Variants in CACNA2D2 observed in about 807,000 individuals in gnomAD.
The protein encoded by CACNA2D2 is calcium voltage-gated channel auxiliary subunit alpha2delta 2.
In CACNA2D2, 48 loss-of-function variants were observed where a neutral mutation model predicts 166.4. The ratio of observed to expected loss-of-function variants is 0.29; its 90% confidence interval spans 0.23 to 0.37. CACNA2D2 has a LOEUF of 0.37. Among genes scored for constraint, CACNA2D2 ranks in the 10% least tolerant of loss-of-function variants. The probability of loss-of-function intolerance (pLI) is 1.00; values close to 1 mark genes in which losing one functional copy is unlikely to be tolerated. For missense variants in CACNA2D2, 1,122 were observed against 1,433.0 expected, an observed-to-expected ratio of 0.78 and a Z score of 3.50; for synonymous variants, 561 against 573.7, an observed-to-expected ratio of 0.98 and a Z score of 0.32.
intron 22 of CACNA2D2, 58 bp downstream of exon 22, chr3:50,374,679 G>A (rs915979000): frequency 8.4e-6 from 13 of 1,545,106 alleles, no homozygotes; most frequent in South Asian, 1.2e-5. Flanking sequence ...GCCTGGGGCC[G>A]GCCAGGGTGC....
chr3:50,400,354 G>A (rs923395562), intron 3 of CACNA2D2, among the ~76,000 whole-genome samples: 2 of 152,202 alleles, frequency 1.3e-5, no homozygotes, highest in African/African-American at 2.4e-5. Flanking sequence ...AAGCAGGTGC[G>A]TCCACAGTCA....
At chr3:50,433,380 A>G (rs1708160150) in intron 3 of CACNA2D2, among the ~76,000 whole-genome samples, 1 of 151,464 alleles carries the variant, frequency 6.6e-6, no homozygotes, top group African/African-American at 2.4e-5. Flanking sequence ...TTTTAAAGAG[A>G]TGAGGTTTTT....
intron 22 of CACNA2D2, among the ~76,000 whole-genome samples, chr3:50,370,773 G>A (rs1334732443): frequency 2.0e-5 from 3 of 151,962 alleles, no homozygotes; most frequent in Non-Finnish European, 2.9e-5. Context: ...CGCCAGTCTC[G>A]CTCTTATCAC....
intron 3 of CACNA2D2, among the ~76,000 whole-genome samples, chr3:50,395,299 C>T (rs971207937): frequency 1.2e-4 from 19 of 152,170 alleles, no homozygotes; most frequent in African/African-American, 4.8e-5. Flanking sequence ...GGCACAGAGA[C>T]GGCCAGCAGC....
chr3:50,425,284 C>T (rs1707753912), intron 3 of CACNA2D2, among the ~76,000 whole-genome samples: 1 of 152,240 alleles, frequency 6.6e-6, no homozygotes, highest in South Asian at 2.1e-4. Flanking sequence ...TCTGCTCACT[C>T]TCACTGCTAA....
At chr3:50,374,613 G>T in intron 22 of CACNA2D2, 124 bp downstream of exon 22, 1 of 1,039,508 alleles carries the variant, frequency 9.6e-7, no homozygotes, top group Non-Finnish European at 1.4e-6. Context: ...GGCACCTGAG[G>T]GTGGGCAGAC....
In CACNA2D2 at chr3:50,475,089, C is replaced by T. The variant is rs1710252018; in HGVS notation, c.288+1029G>A. 2.6e-5 allele frequency among the ~76,000 whole-genome samples: 4 copies of T among 152,162 alleles called. No homozygotes were observed. The South Asian group carries it at 8.3e-4, about 32-fold the overall frequency. ...GTGCCAGAGGTCCTACATTCACACC[C>T]AATGTCAACACACTGGCTGCCACCC... On this transcript the variant is annotated intron_variant, in intron 2 of 37. Transcript: ENST00000424201.
At chr3:50,392,685 G>C (rs1251055982) in intron 4 of CACNA2D2, among the ~76,000 whole-genome samples, 2 of 152,218 alleles carry the variant, frequency 1.3e-5, no homozygotes, top group South Asian at 2.1e-4. Context: ...CACATAGCCT[G>C]ATGTGTGCAG....
In CACNA2D2 at chr3:50,462,690, C is replaced by T. The variant is rs1158978097; in HGVS notation, c.288+13428G>A. On this transcript the variant is annotated intron_variant, in intron 2 of 37. Coordinates refer to ENST00000424201, the MANE Select transcript of CACNA2D2 (RefSeq NM_006030.4). ...CTAAAACTGAACAATCAAGAAGTAGCGACATAAGTATGTCATTTAGAGATA... is the reference window on the plus strand; with the variant it reads ...CTAAAACTGAACAATCAAGAAGTAGTGACATAAGTATGTCATTTAGAGATA... Among the ~76,000 whole-genome samples the T allele has an allele frequency of 1.1e-4, 17 of 151,790 alleles. No individual in the cohort carries two copies. In the South Asian group the frequency reaches 1.9e-3, roughly 17 times the overall value.
chr3:50,484,667 C>T (rs950108285), intron 1 of CACNA2D2, among the ~76,000 whole-genome samples: 1 of 152,244 alleles, frequency 6.6e-6, no homozygotes, highest in Non-Finnish European at 1.5e-5. Flanking sequence ...TTGCACCCCC[C>T]CCAGCAGCAA....
At chr3:50,411,067 C>A (rs888157762) in intron 3 of CACNA2D2, among the ~76,000 whole-genome samples, 2 of 152,204 alleles carry the variant, frequency 1.3e-5, no homozygotes, top group African/African-American at 2.4e-5. Flanking sequence ...CCTGTTGGGG[C>A]TGTGTGTGGG....
chr3:50,435,684 C>T (rs1476556598), intron 2 of CACNA2D2, among the ~76,000 whole-genome samples: 1 of 152,078 alleles, frequency 6.6e-6, no homozygotes, highest in Non-Finnish European at 1.5e-5. Flanking sequence ...CCCTGCTCTG[C>T]TGCTACCCAG....
Position 50,379,761 on chromosome 3 carries a change from G to A in CACNA2D2, c.957C>T (p.Asp319=). The change falls in exon 10 of 38, where the codon GAC becomes GAT. Residue 319 remains aspartate, a synonymous_variant. Coordinates refer to ENST00000424201, the MANE Select transcript of CACNA2D2 (RefSeq NM_006030.4). The surrounding 1 kb of genome is among the most constrained non-coding windows in gnomAD (Gnocchi z 6.5). ...TCACATAGTCATCATCAGACAGCGTGTCCAGCATCTCGCAGACAGATGTCT... is the reference window on the plus strand; with the variant it reads ...TCACATAGTCATCATCAGACAGCGTATCCAGCATCTCGCAGACAGATGTCT... ...LMKTSVCEML[D]TLSDDDYVNV... 1 of 1,613,956 alleles carries A rather than the reference G, an allele frequency of 6.2e-7. No individual in the cohort carries two copies. Among genetic ancestry groups the A allele is most frequent in the Non-Finnish European group, 8.5e-7 (1 of 1,180,028 alleles).
rs201054236 is a variant in CACNA2D2 at position 50,365,881 on chromosome 3, C to T, written c.2863-19G>A. 780 of 1,612,870 alleles carry T rather than the reference C, an allele frequency of 4.8e-4. 3 individuals carry two copies. In the African/African-American group the frequency reaches 9.1e-3, roughly 19 times the overall value. On this transcript the variant is annotated intron_variant, in intron 32 of 37. Coordinates refer to ENST00000424201, the MANE Select transcript of CACNA2D2 (RefSeq NM_006030.4). This position sits in a 1 kb window ranked among gnomAD's most constrained non-coding sequence, Gnocchi z 4.5. ...CGGTGGGCTGCAGTGGAGAGAGGGG[C>T]GTGGACTGCCACTGCTGCCCCTCGC...
rs934382751 is a variant in CACNA2D2, at chr3:50,375,600, G to A, written c.1907+44C>T. 3 of 1,600,222 alleles carry A rather than the reference G, an allele frequency of 1.9e-6. No homozygotes were observed. Among genetic ancestry groups the A allele is most frequent in the Non-Finnish European group, 2.6e-6 (3 of 1,170,776 alleles). On this transcript the variant is annotated intron_variant, in intron 21 of 37. Coordinates refer to ENST00000424201, the MANE Select transcript of CACNA2D2 (RefSeq NM_006030.4). The surrounding 1 kb of genome is among the most constrained non-coding windows in gnomAD (Gnocchi z 4.0). ...GGGGACAGCTGGGCTCAGATTCTGG[G>A]GCCACCCCACCCTCTCTGCCCGCCC...
chr3:50,450,361 C>T (rs1469269151), intron 2 of CACNA2D2, among the ~76,000 whole-genome samples: 3 of 151,152 alleles, frequency 2.0e-5, no homozygotes, highest in Admixed American at 1.3e-4. Flanking sequence ...ACCCTGCCCC[C>T]GCCCCGTGTA....
chr3:50,493,139 C>A (rs921828009), intron 1 of CACNA2D2, among the ~76,000 whole-genome samples: 22 of 152,198 alleles, frequency 1.4e-4, no homozygotes, highest in African/African-American at 4.6e-4. Context: ...CAACTCCCAC[C>A]CTCAAGCCTC....
intron 3 of CACNA2D2, among the ~76,000 whole-genome samples, chr3:50,421,127 C>T (rs927823864): frequency 2.0e-5 from 3 of 152,334 alleles, no homozygotes; most frequent in Middle Eastern, 3.4e-3. Context: ...GGGAGGGGGC[C>T]AGAGCTCACC....
rs200256294 is a variant in CACNA2D2, at chr3:50,475,223, C to CA, written c.288+894dup. Among the ~76,000 whole-genome samples the CA allele has an allele frequency of 8.8e-4, 134 of 152,306 alleles. 2 individuals carry two copies. In the East Asian group the frequency reaches 0.02, roughly 23 times the overall value. On this transcript the variant is annotated intron_variant, in intron 2 of 37. Coordinates refer to ENST00000424201, the MANE Select transcript of CACNA2D2 (RefSeq NM_006030.4). ...ATCTGCTGACCCTGGCCCTGACCAACAGGGACAACAGGAACACAGTGGGTA... is the reference window on the plus strand; with the variant it reads ...ATCTGCTGACCCTGGCCCTGACCAACAAGGGACAACAGGAACACAGTGGGTA...
Sources: gnomAD v4.1 joint callset for allele counts (sites outside exome capture counted in the v4.1 genomes callset) on GRCh38, gnomAD v4.1.1 for gene constraint, Gnocchi (gnomAD v3.1) non-coding constraint, MANE v1.5 for transcripts, NCBI Gene and HGNC (gene_info 2026-07-23, HGNC 2026-07-21) for gene names.